ARHGEF9: variants seen among roughly 807,000 people sequenced by gnomAD.
ARHGEF9 encodes the protein Cdc42 guanine nucleotide exchange factor 9, also known as rho guanine nucleotide exchange factor 9.
Under a neutral mutation model 41.3 loss-of-function variants are expected in ARHGEF9, and 2 were observed. The ratio of observed to expected loss-of-function variants is 0.05; its 90% confidence interval spans 0.02 to 0.15. The LOEUF (loss-of-function observed/expected upper bound fraction) is 0.15, where lower values mean the gene tolerates loss of function less well. Among genes scored for constraint, ARHGEF9 ranks in the 10% least tolerant of loss-of-function variants. The pLI is 1.00. For missense variants in ARHGEF9, 225 were observed against 424.7 expected (o/e 0.53, Z 4.13); for synonymous variants, 160 against 154.4 (o/e 1.04, Z -0.27).
chrX:63,768,306 T>C (rs1300086211), intron 1 of ARHGEF9, among the ~76,000 whole-genome samples: 4 of 112,164 alleles, frequency 3.6e-5, no homozygotes, highest in Non-Finnish European at 7.5e-5. Context: ...TCAAAAAACA[T>C]TACTTAGTCC....
chrX:63,635,327 C>A lies in ARHGEF9; in HGVS notation c.*2701G>T. 1.9e-6 allele frequency: 1 copy of A among 522,545 alleles called. No individual in the cohort carries two copies. The highest frequency in any genetic ancestry group is 2.5e-5 in the South Asian group (1 of 39,937). 43.1% of individuals were successfully genotyped at this position (522,545 alleles called of 1,213,427 possible). A position where few individuals can be genotyped will look rare whatever the true frequency, so the allele number is the denominator to read the frequency against. On this transcript the variant is annotated 3_prime_UTR_variant, in exon 10 of 10. Coordinates refer to ENST00000671741, the MANE Select transcript of ARHGEF9 (RefSeq NM_001353921.2). ...ATAATTAGATGTCTGTCTTAGGACT[C>A]CCCACAGCAGGTCCCATTGAACACA...
chrX:63,653,301 C>T (rs1373200270), intron 8 of ARHGEF9, among the ~76,000 whole-genome samples: 2 of 111,698 alleles, frequency 1.8e-5, no homozygotes, highest in Non-Finnish European at 3.8e-5. Flanking sequence ...CTCTTCCTGA[C>T]TGCCTGTAGA....
intron 8 of ARHGEF9, among the ~76,000 whole-genome samples, chrX:63,644,762 ATTT>A (rs782795423): frequency 1.0e-5 from 1 of 98,313 alleles, no homozygotes. Context: ...TATTATTATT[ATTT>A]TTTTTTTTTT....
At chrX:63,646,407 T>C (rs1602197901) in intron 8 of ARHGEF9, among the ~76,000 whole-genome samples, 2 of 112,181 alleles carry the variant, frequency 1.8e-5, no homozygotes, top group South Asian at 3.7e-4. Context: ...AATTTTTGTA[T>C]AAGGTGTAAG....
chrX:63,775,298 C>A lies in ARHGEF9; in HGVS notation c.30+9818G>T, dbSNP rs782690997. Among the ~76,000 whole-genome samples the A allele has an allele frequency of 2.7e-5, 3 of 112,650 alleles. No homozygotes were observed. In the South Asian group the frequency reaches 1.1e-3, roughly 41 times the overall value. ...TCTCAAAGAACTTAAAACAGAGATA[C>A]CATTTCACCTAGCAATCCCATTACT... On this transcript the variant is annotated intron_variant, in intron 1 of 9. Transcript: ENST00000671741.
At chrX:63,640,150 A>C (rs1162030347) in intron 9 of ARHGEF9, 1 of 112,576 alleles carries the variant, frequency 8.9e-6, no homozygotes, top group Non-Finnish European at 1.9e-5. Context: ...ATACACGTTT[A>C]AGGTGATAGA....
At chrX:63,656,261 G>A (rs782060044) in intron 7 of ARHGEF9, among the ~76,000 whole-genome samples, 19 of 111,325 alleles carry the variant, frequency 1.7e-4, no homozygotes, top group Middle Eastern at 4.7e-3. Flanking sequence ...TTTAGAAAAG[G>A]CCCAGTCTGC....
At chrX:63,723,775 A>G (rs2053783412) in intron 2 of ARHGEF9, among the ~76,000 whole-genome samples, 1 of 112,024 alleles carries the variant, frequency 8.9e-6, no homozygotes, top group Non-Finnish European at 1.9e-5. Context: ...CATTGGGATC[A>G]CTTCCTTTAC....
intron 7 of ARHGEF9, among the ~76,000 whole-genome samples, chrX:63,655,984 C>T (rs1556335721): frequency 1.8e-5 from 2 of 112,068 alleles, no homozygotes; most frequent in African/African-American, 6.5e-5. Context: ...AATCCTTGGA[C>T]GTGTGTGCAA....
Position 63,741,308 on chromosome X carries a change from A to G in ARHGEF9, c.31-16597T>C, listed in dbSNP as rs540743534. Among the ~76,000 whole-genome samples the G allele has an allele frequency of 2.9e-4, 32 of 112,194 alleles. No individual in the cohort carries two copies. In the South Asian group the frequency reaches 0.011, roughly 37 times the overall value. ...TTTACCTTACAGAGCCTGCTACAAAACATGCCATCTTGAACATCCATTTTA... is the reference window on the plus strand; with the variant it reads ...TTTACCTTACAGAGCCTGCTACAAAGCATGCCATCTTGAACATCCATTTTA... On this transcript the variant is annotated intron_variant, in intron 1 of 9. Coordinates refer to ENST00000671741, the MANE Select transcript of ARHGEF9 (RefSeq NM_001353921.2).
chrX:63,761,444 A>G (rs1168276827), intron 1 of ARHGEF9, among the ~76,000 whole-genome samples: 1 of 112,023 alleles, frequency 8.9e-6, no homozygotes, highest in African/African-American at 3.2e-5. Context: ...TAATGACTGA[A>G]TAACTAAATT....
chrX:63,647,041 T>C (rs2048142919), intron 8 of ARHGEF9, among the ~76,000 whole-genome samples: 1 of 111,786 alleles, frequency 8.9e-6, no homozygotes, highest in Non-Finnish European at 1.9e-5. Context: ...TGTCTATTAT[T>C]GGTGTATAAG....
intron 4 of ARHGEF9, among the ~76,000 whole-genome samples, chrX:63,689,218 A>G (rs1308890374): frequency 4.5e-5 from 5 of 111,662 alleles, no homozygotes; most frequent in Admixed American, 9.5e-5. Context: ...GCATCCAACT[A>G]TATGCTGCCT....
chrX:63,651,228 A>G (rs1438385976), intron 8 of ARHGEF9, among the ~76,000 whole-genome samples: 1 of 111,413 alleles, frequency 9.0e-6, no homozygotes, highest in Non-Finnish European at 1.9e-5. Context: ...CCTAGAATAA[A>G]TAAATTTGAT....
intron 8 of ARHGEF9, among the ~76,000 whole-genome samples, chrX:63,644,935 G>GT (rs2047907919): frequency 1.8e-5 from 2 of 108,354 alleles, no homozygotes; most frequent in South Asian, 4.1e-4. Context: ...CTGGCTAATT[G>GT]TTTTTTAATT....
At chrX:63,640,678 C>T (rs1349294614) in intron 9 of ARHGEF9, 8 of 112,075 alleles carry the variant, frequency 7.1e-5, no homozygotes, top group African/African-American at 2.6e-4. Flanking sequence ...ACTGTTATTT[C>T]AGCCAGGTTC....
intron 1 of ARHGEF9, chrX:63,755,113 C>T: frequency 2.1e-6 from 2 of 938,942 alleles, no homozygotes; most frequent in Non-Finnish European, 1.3e-6. Context: ...TATCCCTCTT[C>T]TCTCCCCATC....
At chrX:63,747,450 C>T (rs62609850) in intron 1 of ARHGEF9, among the ~76,000 whole-genome samples, 1,407 of 111,984 alleles carry the variant, frequency 0.013, 8 homozygotes, top group Non-Finnish European at 0.015. Flanking sequence ...CTCCCACAGT[C>T]CTAGAATAAA....
chrX:63,661,695 C>T (rs2049229389), intron 7 of ARHGEF9, among the ~76,000 whole-genome samples: 1 of 111,166 alleles, frequency 9.0e-6, no homozygotes, highest in African/African-American at 3.3e-5. Context: ...GACTTTCCCA[C>T]ACACTATAAT....
Sources: gnomAD v4.1 joint callset for allele counts (sites outside exome capture counted in the v4.1 genomes callset) on GRCh38, gnomAD v4.1.1 for gene constraint, MANE v1.5 for transcripts, NCBI Gene and HGNC (gene_info 2026-07-23, HGNC 2026-07-21) for gene names.